The following ESPNL variants were observed in gnomAD, a reference collection of about 807,000 sequenced individuals.
ESPNL encodes espin-like protein.
In ESPNL, 49 loss-of-function variants were observed where a neutral mutation model predicts 46.8. That is an observed-to-expected ratio of 1.05 (90% CI 0.83 to 1.33). The LOEUF (loss-of-function observed/expected upper bound fraction) is 1.33. ESPNL is among the 40% of genes most tolerant of loss of function. The pLI is 0.00. For synonymous variants in ESPNL, 664 were observed against 662.1 expected (o/e 1.00, Z -0.04); for missense variants, 1,540 against 1,436.6 (o/e 1.07, Z -1.16).
At position 238,107,835 on chromosome 2, in the gene ESPNL, G is replaced by A. The variant is rs766646070; in HGVS notation, c.717G>A (p.Gly239=). 3 of 1,606,388 alleles carry A rather than the reference G, an allele frequency of 1.9e-6. No homozygotes were observed. In the South Asian group the frequency reaches 3.3e-5, roughly 18 times the overall value. ...DIGLTARDNE[G]ATALHFAARG... ...GACTCACGGCACGGGACAATGAGGGGGCCACGGCCCTGCACTTTGCAGCCC... is the reference window on the plus strand; with the variant it reads ...GACTCACGGCACGGGACAATGAGGGAGCCACGGCCCTGCACTTTGCAGCCC... Residue 239 remains glycine (G), a synonymous_variant, in exon 4 of 9, where the codon GGG becomes GGA. Coordinates refer to ENST00000343063, the MANE Select transcript of ESPNL (RefSeq NM_194312.4).
Position 238,102,736 on chromosome 2 carries a change from C to T in ESPNL, c.485+605C>T, listed in dbSNP as rs534036148. ...CTCCCTCCCCACCTGGAAGCTCCTC[C>T]AGTCCTCGCCCTGCTTACAAAGGTC... On this transcript the variant is annotated intron_variant, in intron 2 of 8. Coordinates refer to ENST00000343063, the MANE Select transcript of ESPNL (RefSeq NM_194312.4). Among the ~76,000 whole-genome samples, 4 of 152,344 alleles carry T rather than the reference C, an allele frequency of 2.6e-5. No individual in the cohort carries two copies. The South Asian group carries it at 6.2e-4, about 24-fold the overall frequency.
In ESPNL at chr2:238,100,691, G is replaced by T. The variant is rs181954337; in HGVS notation, c.272G>T (p.Arg91Leu). Residue 91 changes from arginine to leucine, a missense_variant, in exon 1 of 9, where the codon CGC becomes CTC. By Grantham distance (102) the Arg-to-Leu change is moderately radical. Transcript: ENST00000343063. ...GSLAELCWLV[R>L]EGGCGLQDQD... ...CTGGCCGAGCTGTGCTGGCTGGTCC[G>T]CGAGGGGGGCTGCGGTCTGCAGGTG... The T allele has an allele frequency of 8.4e-6, 12 of 1,431,732 alleles. No homozygotes were observed. In the South Asian group the frequency reaches 1.6e-4, roughly 20 times the overall value. 88.7% of individuals were successfully genotyped at this position (1,431,732 alleles called of 1,614,324 possible). A position where few individuals can be genotyped will look rare whatever the true frequency, so the allele number is the denominator to read the frequency against.
At chr2:238,128,157 C>A (rs11675193) in intron 7 of ESPNL, among the ~76,000 whole-genome samples, 41,996 of 152,174 alleles carry the variant, frequency 0.28, 7,411 homozygotes, top group Non-Finnish European at 0.38. Context: ...CCTTACTCTC[C>A]CTTTCCTGGG....
rs139810358 is a variant in ESPNL, at chr2:238,119,605, G to C, written c.987+2571G>C. Among the ~76,000 whole-genome samples the C allele has an allele frequency of 3.7e-3, 565 of 150,790 alleles. 1 individual carries two copies. The highest frequency in any genetic ancestry group is 0.013 in the African/African-American group (535 of 40,936). On this transcript the variant is annotated intron_variant, in intron 5 of 8. Transcript: ENST00000343063. Reference sequence around the variant, plus strand: ...GATGGAGGAGGTGGATGGAGGAGGGGAGCTGGAGGAGGGGAGGCCTGGGGC... The same window carrying C: ...GATGGAGGAGGTGGATGGAGGAGGGCAGCTGGAGGAGGGGAGGCCTGGGGC...
Position 238,130,409 on chromosome 2 carries a change from G to C in ESPNL, c.1695G>C (p.Glu565Asp), listed in dbSNP as rs188033358. ...LPRAPGLEVE[E>D]ASIPAAEPAG... ...GGGCGCCCGGACTGGAGGTTGAGGAGGCCTCAATCCCAGCGGCTGAGCCCG... is the reference window on the plus strand; with the variant it reads ...GGGCGCCCGGACTGGAGGTTGAGGACGCCTCAATCCCAGCGGCTGAGCCCG... The change falls in exon 9 of 9, where the codon GAG becomes GAC. Residue 565 changes from glutamate (E) to aspartate (D), a missense_variant. Physicochemically the swap from Glu to Asp is conservative, Grantham distance 45. Coordinates refer to ENST00000343063, the MANE Select transcript of ESPNL (RefSeq NM_194312.4). 3.1e-6 allele frequency: 5 copies of C among 1,610,448 alleles called. No homozygotes were observed. Among genetic ancestry groups the C allele is most frequent in the Non-Finnish European group, 4.2e-6 (5 of 1,179,016 alleles).
rs146264889 is a variant in ESPNL, at chr2:238,131,629, C to T, written c.2915C>T (p.Ser972Phe). ...ACAGCACAGCGGCTGGGGTCCCGCT[C>T]CCAGCAGGGCAGCTTCAACGGTGAG... ...EPTAQRLGSR[S>F]QQGSFNGEDI... Residue 972 changes from serine to phenylalanine, a missense_variant, in exon 9 of 9, where the codon TCC becomes TTC. Physicochemically the swap from Ser to Phe is radical, Grantham distance 155. Coordinates refer to ENST00000343063, the MANE Select transcript of ESPNL (RefSeq NM_194312.4). 2.0e-5 allele frequency: 32 copies of T among 1,610,990 alleles called. No homozygotes were observed. The highest frequency in any genetic ancestry group is 3.3e-5 in the Admixed American group (2 of 59,950).
intron 8 of ESPNL, among the ~76,000 whole-genome samples, chr2:238,129,468 G>T (rs1040157302): frequency 2.6e-5 from 4 of 152,174 alleles, no homozygotes; most frequent in Non-Finnish European, 5.9e-5. Flanking sequence ...AGGAGGAGGC[G>T]CCCTGGCATG....
chr2:238,122,870 G>C (rs1304399699), intron 5 of ESPNL, among the ~76,000 whole-genome samples: 3 of 152,250 alleles, frequency 2.0e-5, no homozygotes, highest in African/African-American at 7.2e-5. Flanking sequence ...GACACCACTT[G>C]TGTCTGGCTT....
intron 5 of ESPNL, among the ~76,000 whole-genome samples, chr2:238,121,439 C>T (rs557476608): frequency 1.2e-4 from 18 of 152,352 alleles, no homozygotes; most frequent in African/African-American, 4.1e-4. Context: ...TCTCTGTCAC[C>T]CAGGCTGGAG....
Position 238,132,638 on chromosome 2 carries a change from GAT to G in ESPNL, c.*908_*909del, listed in dbSNP as rs1692369445. The G allele has an allele frequency of 6.5e-6, 1 of 152,790 alleles. No homozygotes were observed. Among genetic ancestry groups the G allele is most frequent in the Non-Finnish European group, 1.5e-5 (1 of 68,422 alleles). The allele number at this position is 152,790 out of a possible 1,614,324, so 9.5% of individuals were successfully genotyped here. A position where few individuals can be genotyped will look rare whatever the true frequency, so the allele number is the denominator to read the frequency against. On this transcript the variant is annotated 3_prime_UTR_variant, in exon 9 of 9. Coordinates refer to ENST00000343063, the MANE Select transcript of ESPNL (RefSeq NM_194312.4). ...CAGGGGCCTGGGTACTGGAGGGAGG[GAT>G]ACAGGAAGGGAGATGGATTCCGTCC...
chr2:238,130,384 G>C lies in ESPNL; in HGVS notation c.1670G>C (p.Arg557Pro). The change falls in exon 9 of 9, where the codon CGG becomes CCG. Residue 557 changes from arginine (R) to proline (P), a missense_variant. By Grantham distance (103) the Arg-to-Pro change is moderately radical. Coordinates refer to ENST00000343063, the MANE Select transcript of ESPNL (RefSeq NM_194312.4). ...SITVNSHFLP[R>P]APGLEVEEAS... ...ACGGTCAACAGCCACTTCCTGCCCCGGGCGCCCGGACTGGAGGTTGAGGAG... is the reference window on the plus strand; with the variant it reads ...ACGGTCAACAGCCACTTCCTGCCCCCGGCGCCCGGACTGGAGGTTGAGGAG... The C allele has an allele frequency of 6.2e-7, 1 of 1,610,710 alleles. No individual in the cohort carries two copies. Among genetic ancestry groups the C allele is most frequent in the Non-Finnish European group, 8.5e-7 (1 of 1,179,154 alleles).
chr2:238,100,787 A>C (rs1266639984), intron 1 of ESPNL, 74 bp downstream of exon 1: 1 of 1,307,132 alleles, frequency 7.7e-7, no homozygotes, highest in African/African-American at 1.6e-5. Flanking sequence ...GCCACGGAGG[A>C]TCAGAGTACT....
chr2:238,126,410 ATGTG>A (rs200647594), intron 6 of ESPNL, among the ~76,000 whole-genome samples: 2 of 132,174 alleles, frequency 1.5e-5, no homozygotes, highest in African/African-American at 2.9e-5. Flanking sequence ...ATGCCTGTGT[ATGTG>A]TGTTTGTGTT....
Position 238,130,395 on chromosome 2 carries a change from C to T in ESPNL, c.1681C>T (p.Leu561=), listed in dbSNP as rs754480965. The T allele has an allele frequency of 5.0e-6, 8 of 1,610,750 alleles. No individual in the cohort carries two copies. The African/African-American group carries it at 1.1e-4, about 22-fold the overall frequency. ...CCACTTCCTGCCCCGGGCGCCCGGA[C>T]TGGAGGTTGAGGAGGCCTCAATCCC... The part of the protein sequence containing the change: ...NSHFLPRAPG[L]EVEEASIPAA... Residue 561 remains leucine, a synonymous_variant, in exon 9 of 9, where the codon CTG becomes TTG. Transcript: ENST00000343063.
chr2:238,108,731 G>C (rs1691655850), intron 4 of ESPNL, among the ~76,000 whole-genome samples: 1 of 152,304 alleles, frequency 6.6e-6, no homozygotes, highest in East Asian at 1.9e-4. Context: ...ATTTTAAGTG[G>C]AAGTGCAACC....
At chr2:238,118,018 G>A (rs1373330649) in intron 5 of ESPNL, among the ~76,000 whole-genome samples, 2 of 151,308 alleles carry the variant, frequency 1.3e-5, no homozygotes, top group Non-Finnish European at 3.0e-5. Flanking sequence ...AATGGATGGA[G>A]GAGGGTGAAT....
chr2:238,131,510 TC>T lies in ESPNL; in HGVS notation c.2799del (p.Ala934ProfsTer12). 1 of 1,611,608 alleles carries T rather than the reference TC, an allele frequency of 6.2e-7. No homozygotes were observed. On this transcript the variant is annotated frameshift_variant, in exon 9 of 9. Coordinates refer to ENST00000343063, the MANE Select transcript of ESPNL (RefSeq NM_194312.4). LOFTEE classifies it low-confidence loss of function (END_TRUNC). ...CCCGCTTCTTTGGCTCCAGCCAGCG[TC>T]CCGCCTGGGATACGGAGCCTGGCCG... ...KARFFGSSQR[P>X]AWDTEPGRKS...
intron 4 of ESPNL, among the ~76,000 whole-genome samples, chr2:238,113,739 G>C (rs1182211445): frequency 6.6e-6 from 1 of 152,170 alleles, no homozygotes; most frequent in African/African-American, 2.4e-5. Flanking sequence ...TTTTCTCTGA[G>C]GGTGGAGCCC....
rs75411281 is a variant in ESPNL, at chr2:238,129,370, G to A, written c.1413+466G>A. ...AGGGGCCAGAGGGAAGAGAGGGGGAGCCCTGTGGGAATTTGGGGCAAGCAC... is the reference window on the plus strand; with the variant it reads ...AGGGGCCAGAGGGAAGAGAGGGGGAACCCTGTGGGAATTTGGGGCAAGCAC... On this transcript the variant is annotated intron_variant, in intron 8 of 8. Coordinates refer to ENST00000343063, the MANE Select transcript of ESPNL (RefSeq NM_194312.4). 5.7e-3 allele frequency: 3,180 copies of A among 562,156 alleles called. 77 individuals carry two copies. The African/African-American group carries it at 0.059, about 10-fold the overall frequency. The allele number at this position is 562,156 out of a possible 1,614,324, so 34.8% of individuals were successfully genotyped here.
Sources: allele counts gnomAD v4.1 joint callset (sites outside exome capture counted in the v4.1 genomes callset), GRCh38; gene constraint gnomAD v4.1.1; transcripts MANE v1.5; gene names NCBI Gene and HGNC (gene_info 2026-07-23, HGNC 2026-07-21).